Variants in KLF8 observed in about 807,000 individuals in gnomAD.
KLF8 encodes Krueppel-like factor 8.
Under a neutral mutation model 18.2 loss-of-function variants are expected in KLF8, and 10 were observed. That is an observed-to-expected ratio of 0.55 (90% confidence interval 0.34 to 0.93). KLF8 has a LOEUF of 0.93. Among genes scored for constraint, KLF8 ranks in the 40% least tolerant of loss-of-function variants. The pLI is 0.02. For synonymous variants in KLF8, 109 were observed against 97.3 expected, an observed-to-expected ratio of 1.12 and a Z score of -0.71; for missense variants, 264 against 277.9, an observed-to-expected ratio of 0.95 and a Z score of 0.36.
chrX:56,072,096 A>G, the KLF8 span, among the ~76,000 whole-genome samples: 1 of 111,692 alleles, frequency 9.0e-6, no homozygotes, highest in Non-Finnish European at 1.9e-5. Flanking sequence ...CAATTTCACT[A>G]ATTCTCTTTA....
chrX:56,187,197 A>T, the KLF8 span, among the ~76,000 whole-genome samples: 1 of 111,968 alleles, frequency 8.9e-6, no homozygotes, highest in Non-Finnish European at 1.9e-5. Context: ...GGATATCACC[A>T]TCGATCCCAC....
chrX:55,945,472 C>T, the KLF8 span, among the ~76,000 whole-genome samples: 1 of 110,452 alleles, frequency 9.1e-6, no homozygotes, highest in African/African-American at 3.3e-5. Context: ...GTCTAAGTCT[C>T]TTTGTAGGTC....
the KLF8 span, among the ~76,000 whole-genome samples, chrX:56,154,192 C>T: frequency 9.1e-6 from 1 of 109,490 alleles, no homozygotes; most frequent in African/African-American, 3.5e-5. Flanking sequence ...TACTACAAGG[C>T]TACAGTAACC....
At chrX:56,118,867 A>G in the KLF8 span, among the ~76,000 whole-genome samples, 3 of 111,773 alleles carry the variant, frequency 2.7e-5, no homozygotes, top group African/African-American at 9.8e-5. Context: ...TTGTATTTAT[A>G]TATTCATTTG....
At chrX:55,922,577 T>G in the KLF8 span, among the ~76,000 whole-genome samples, 4 of 112,453 alleles carry the variant, frequency 3.6e-5, no homozygotes, top group African/African-American at 1.3e-4. Flanking sequence ...TTTACCTATG[T>G]AACAAACCTG....
At chrX:56,216,652 A>C in the KLF8 span, among the ~76,000 whole-genome samples, 1 of 110,172 alleles carries the variant, frequency 9.1e-6, no homozygotes, top group African/African-American at 3.3e-5. Context: ...TTGGTATTAC[A>C]GGCATGAGCC....
chrX:56,202,036 C>T, the KLF8 span, among the ~76,000 whole-genome samples: 1 of 111,148 alleles, frequency 9.0e-6, no homozygotes, highest in Non-Finnish European at 1.9e-5. Context: ...TCCCTCATTG[C>T]CAAGCCCATT....
At chrX:56,050,515 T>C in the KLF8 span, among the ~76,000 whole-genome samples, 2 of 112,197 alleles carry the variant, frequency 1.8e-5, no homozygotes, top group South Asian at 3.7e-4. Flanking sequence ...CTGCCTTCAT[T>C]TTGTTATGTA....
chrX:56,233,280 G>A lies in KLF8; in HGVS notation c.-55G>A, dbSNP rs765694735. The A allele has an allele frequency of 7.2e-5, 87 of 1,200,175 alleles. No homozygotes were observed. Among genetic ancestry groups the A allele is most frequent in the Non-Finnish European group, 9.7e-5 (86 of 887,136 alleles). ...TCTTGCGATCAGCTCAGGAGTATGA[G>A]CCTCCCGGAGGACGGCATGAGTTCT... On this transcript the variant is annotated 5_prime_UTR_variant, in exon 1 of 6. Transcript: ENST00000468660.
At chrX:56,121,165 C>G in the KLF8 span, among the ~76,000 whole-genome samples, 12 of 93,682 alleles carry the variant, frequency 1.3e-4, no homozygotes, top group East Asian at 3.2e-4. Context: ...CAGCCTGGGC[C>G]ACAGAGCGAG....
At chrX:56,055,944 T>C in the KLF8 span, among the ~76,000 whole-genome samples, 3 of 111,994 alleles carry the variant, frequency 2.7e-5, no homozygotes, top group Non-Finnish European at 5.6e-5. Context: ...ATAGTGGCTA[T>C]TTTATCTTTC....
the KLF8 span, among the ~76,000 whole-genome samples, chrX:56,086,153 G>A: frequency 1.8e-5 from 2 of 112,129 alleles, no homozygotes; most frequent in Admixed American, 9.5e-5. Context: ...ATTTGGGGAC[G>A]GGTACAAGGA....
At chrX:55,943,274 A>G in the KLF8 span, among the ~76,000 whole-genome samples, 14 of 110,457 alleles carry the variant, frequency 1.3e-4, no homozygotes, top group African/African-American at 4.3e-4. Context: ...CTAGAGCAGC[A>G]TAGCTCGAAA....
chrX:56,025,100 C>A, the KLF8 span, among the ~76,000 whole-genome samples: 2 of 112,131 alleles, frequency 1.8e-5, no homozygotes, highest in Admixed American at 1.9e-4. Flanking sequence ...CCATTGATCT[C>A]CTGTTACAGT....
At chrX:56,056,519 A>C in the KLF8 span, among the ~76,000 whole-genome samples, 1 of 106,305 alleles carries the variant, frequency 9.4e-6, no homozygotes. Flanking sequence ...TGAAACTGGA[A>C]ACCATCATTC....
At chrX:56,048,181 G>A in the KLF8 span, among the ~76,000 whole-genome samples, 1 of 111,508 alleles carries the variant, frequency 9.0e-6, no homozygotes, top group African/African-American at 3.3e-5. Context: ...TTTGTCAGAT[G>A]AGTAGATTGC....
At chrX:56,176,969 C>T in the KLF8 span, among the ~76,000 whole-genome samples, 4 of 111,488 alleles carry the variant, frequency 3.6e-5, no homozygotes, top group African/African-American at 9.8e-5. Context: ...CCTTTAAGGA[C>T]TTCTCTGCAT....
the KLF8 span, among the ~76,000 whole-genome samples, chrX:55,948,073 A>G: frequency 1.8e-5 from 2 of 112,135 alleles, no homozygotes; most frequent in Non-Finnish European, 1.9e-5. Flanking sequence ...TATAGCTCAT[A>G]TGCCAGCAAA....
chrX:56,032,115 C>T, the KLF8 span, among the ~76,000 whole-genome samples: 11 of 110,704 alleles, frequency 9.9e-5, no homozygotes, highest in Non-Finnish European at 1.3e-4. Flanking sequence ...TGCCTGGCGC[C>T]GGGCTGCCTG....
Sources: allele counts gnomAD v4.1 joint callset (sites outside exome capture counted in the v4.1 genomes callset), GRCh38; gene constraint gnomAD v4.1.1; transcripts MANE v1.5; gene names NCBI Gene and HGNC (gene_info 2026-07-23, HGNC 2026-07-21).